CNBD1: variants seen among roughly 807,000 people sequenced by gnomAD.
CNBD1 encodes cyclic nucleotide binding domain containing 1.
Under a neutral mutation model 54.4 loss-of-function variants are expected in CNBD1, and 71 were observed. The ratio of observed to expected loss-of-function variants is 1.30; its 90% CI spans 1.08 to 1.59. CNBD1 has a LOEUF of 1.59. CNBD1 is among the 40% of genes most tolerant of loss of function. CNBD1 has a pLI of 0.00. For synonymous variants in CNBD1, 182 were observed against 170.7 expected (o/e 1.07, Z -0.51); for missense variants, 659 against 518.0 (o/e 1.27, Z -2.64).
chr8:87,330,862 A>T (rs1042961207), intron 8 of CNBD1, among the ~76,000 whole-genome samples: 8 of 152,246 alleles, frequency 5.3e-5, no homozygotes, highest in South Asian at 2.1e-4. Flanking sequence ...CATATATATA[A>T]AATGTACATA....
chr8:87,139,287 T>A (rs1812323574), intron 4 of CNBD1, among the ~76,000 whole-genome samples: 1 of 152,198 alleles, frequency 6.6e-6, no homozygotes, highest in Non-Finnish European at 1.5e-5. Flanking sequence ...AAATAGATAA[T>A]AAACTCTCAT....
chr8:87,045,870 T>G (rs1176748653), intron 4 of CNBD1, among the ~76,000 whole-genome samples: 1 of 151,174 alleles, frequency 6.6e-6, no homozygotes, highest in Admixed American at 6.6e-5. Context: ...TGAAACCCCG[T>G]CTCTACTGAA....
chr8:86,955,281 C>G (rs1399062180), intron 4 of CNBD1, among the ~76,000 whole-genome samples: 1 of 151,974 alleles, frequency 6.6e-6, no homozygotes, highest in Admixed American at 6.6e-5. Context: ...TGAATAGTGC[C>G]CCAAAAAACA....
At chr8:87,310,631 G>A (rs1294014913) in intron 8 of CNBD1, among the ~76,000 whole-genome samples, 1 of 151,880 alleles carries the variant, frequency 6.6e-6, no homozygotes, top group African/African-American at 2.4e-5. Flanking sequence ...TGAAATAAGC[G>A]ATTCTAAAAT....
At chr8:87,134,848 A>G (rs766786728) in intron 4 of CNBD1, among the ~76,000 whole-genome samples, 1 of 151,702 alleles carries the variant, frequency 6.6e-6, no homozygotes, top group Non-Finnish European at 1.5e-5. Flanking sequence ...TGACTTCGTG[A>G]TCTGCCCGCC....
chr8:87,402,485 G>T (rs985452628), intron 2 of CNBD1, among the ~76,000 whole-genome samples: 1 of 152,044 alleles, frequency 6.6e-6, no homozygotes, highest in Non-Finnish European at 1.5e-5. Context: ...GGCAATTTGG[G>T]CTTGGTGTTT....
intron 4 of CNBD1, among the ~76,000 whole-genome samples, chr8:86,967,506 T>C (rs1361672692): frequency 1.3e-5 from 2 of 152,246 alleles, no homozygotes; most frequent in Non-Finnish European, 1.5e-5. Flanking sequence ...TGAGCCTCCC[T>C]TCTGCAGCCA....
intron 6 of CNBD1, among the ~76,000 whole-genome samples, chr8:87,277,179 T>C (rs924197613): frequency 5.9e-5 from 9 of 151,606 alleles, no homozygotes; most frequent in South Asian, 2.1e-4. Context: ...GCAGAGGTGA[T>C]GTCCAAGTTT....
chr8:87,101,952 G>A (rs376557370), intron 4 of CNBD1, among the ~76,000 whole-genome samples: 6 of 150,192 alleles, frequency 4.0e-5, no homozygotes, highest in South Asian at 2.1e-4. Context: ...GCAGTGGTGC[G>A]ATCTTGGCTC....
At chr8:86,915,693 G>A (rs941589642) in intron 3 of CNBD1, among the ~76,000 whole-genome samples, 14 of 152,152 alleles carry the variant, frequency 9.2e-5, no homozygotes, top group South Asian at 2.1e-4. Flanking sequence ...GACAAGATGT[G>A]TAAGAACTCT....
intron 4 of CNBD1, among the ~76,000 whole-genome samples, chr8:87,037,928 C>T (rs1306976166): frequency 6.6e-6 from 1 of 152,134 alleles, no homozygotes; most frequent in African/African-American, 2.4e-5. Flanking sequence ...TGAGGAATTT[C>T]AGTGTCTATG....
At chr8:86,910,639 AAAGAC>A (rs1809087116) in intron 3 of CNBD1, among the ~76,000 whole-genome samples, 1 of 152,232 alleles carries the variant, frequency 6.6e-6, no homozygotes, top group Non-Finnish European at 1.5e-5. Context: ...AGCAATAAGA[AAAGAC>A]ATAGATTTTT....
intron 4 of CNBD1, among the ~76,000 whole-genome samples, chr8:87,097,483 T>G (rs1159985414): frequency 6.6e-6 from 1 of 152,210 alleles, no homozygotes; most frequent in Admixed American, 6.5e-5. Flanking sequence ...TTTATGTTTC[T>G]TCACTTGACA....
intron 1 of CNBD1, among the ~76,000 whole-genome samples, chr8:86,878,304 A>C (rs1808555524): frequency 6.6e-6 from 1 of 152,106 alleles, no homozygotes; most frequent in African/African-American, 2.4e-5. Context: ...TTGAAGATAG[A>C]TTACTTGTTA....
intron 4 of CNBD1, among the ~76,000 whole-genome samples, chr8:87,112,675 C>A (rs138265065): frequency 6.6e-6 from 1 of 152,264 alleles, no homozygotes; most frequent in East Asian, 1.9e-4. Flanking sequence ...CATCTGTAAC[C>A]TATATCTTGT....
chr8:87,065,572 T>C (rs1238413506), intron 4 of CNBD1, among the ~76,000 whole-genome samples: 1 of 151,948 alleles, frequency 6.6e-6, no homozygotes, highest in African/African-American at 2.4e-5. Context: ...TGGGAATATT[T>C]ACTAGGCACA....
At chr8:87,384,367 G>A (rs112187195), downstream of CNBD1, among the ~76,000 whole-genome samples, 2,283 of 151,952 alleles carry the variant, frequency 0.015, 58 homozygotes, top group African/African-American at 0.049. Context: ...CATTATATTG[G>A]GAGAAGATCA....
At chr8:87,423,943 A>C (rs1013159855) in intron 2 of CNBD1, among the ~76,000 whole-genome samples, 4 of 152,216 alleles carry the variant, frequency 2.6e-5, no homozygotes, top group South Asian at 4.1e-4. Context: ...GATTATTGCC[A>C]CAATTTCAGC....
At chr8:87,273,484 T>C (rs1179170178) in intron 6 of CNBD1, among the ~76,000 whole-genome samples, 1 of 151,938 alleles carries the variant, frequency 6.6e-6, no homozygotes, top group African/African-American at 2.4e-5. Context: ...AACAAACCAA[T>C]GCAAATAGGA....
Sources: allele counts gnomAD v4.1 joint callset (sites outside exome capture counted in the v4.1 genomes callset), GRCh38; gene constraint gnomAD v4.1.1; transcripts MANE v1.5; gene names NCBI Gene and HGNC (gene_info 2026-07-23, HGNC 2026-07-21).